EPB41L2: variants seen among roughly 807,000 people sequenced by gnomAD.
EPB41L2 encodes erythrocyte membrane protein band 4.1 like 2, also known as band 4.1-like protein 2.
A neutral mutation model predicts 113.0 loss-of-function variants in EPB41L2; 43 were observed. The observed-to-expected ratio is 0.38, with a 90% confidence interval of 0.30 to 0.49. The LOEUF is 0.49. Ranked by LOEUF, EPB41L2 falls within the 20% of genes least tolerant of loss-of-function variation. The pLI is 0.95. For missense variants in EPB41L2, 1,147 were observed against 1,223.4 expected (o/e 0.94, Z 0.93); for synonymous variants, 442 against 436.7 (o/e 1.01, Z -0.15).
At chr6:130,930,440 C>T (rs1209190259) in intron 3 of EPB41L2, among the ~76,000 whole-genome samples, 6 of 152,098 alleles carry the variant, frequency 3.9e-5, no homozygotes, top group Non-Finnish European at 8.8e-5. Context: ...TTCGGATTTC[C>T]AATTTCTTGA....
intron 1 of EPB41L2, among the ~76,000 whole-genome samples, chr6:131,003,844 C>T (rs1784884033): frequency 6.6e-6 from 1 of 152,138 alleles, no homozygotes; most frequent in Non-Finnish European, 1.5e-5. Flanking sequence ...AATTTGGCAC[C>T]TGTGGAGGTG....
chr6:131,003,769 TA>T (rs1464843110), intron 1 of EPB41L2, among the ~76,000 whole-genome samples: 2 of 152,216 alleles, frequency 1.3e-5, no homozygotes, highest in Admixed American at 1.3e-4. Flanking sequence ...CAGTAGTACT[TA>T]AACATTTTCT....
chr6:130,997,345 T>A (rs6916206), intron 1 of EPB41L2, among the ~76,000 whole-genome samples: 38,844 of 152,040 alleles, frequency 0.26, 5,134 homozygotes, highest in East Asian at 0.43. Flanking sequence ...GCAATGCACA[T>A]CAACAAAAGA....
chr6:131,011,678 C>T (rs1787016404), intron 1 of EPB41L2, among the ~76,000 whole-genome samples: 2 of 152,180 alleles, frequency 1.3e-5, no homozygotes, highest in Non-Finnish European at 2.9e-5. Context: ...GTATTCCTTT[C>T]ATTCTTTGGC....
At chr6:131,047,881 C>A (rs543165296) in intron 1 of EPB41L2, among the ~76,000 whole-genome samples, 1 of 152,098 alleles carries the variant, frequency 6.6e-6, no homozygotes, top group Non-Finnish European at 1.5e-5. Flanking sequence ...GTGGCTCATG[C>A]CTGTAATCCC....
At chr6:131,048,512 G>A (rs896680004) in intron 1 of EPB41L2, among the ~76,000 whole-genome samples, 7 of 152,204 alleles carry the variant, frequency 4.6e-5, no homozygotes, top group African/African-American at 1.2e-4. Flanking sequence ...ATAAATATGA[G>A]CTTTATTTGG....
chr6:130,981,218 A>G (rs909327414), intron 1 of EPB41L2, among the ~76,000 whole-genome samples: 2 of 152,230 alleles, frequency 1.3e-5, no homozygotes, highest in African/African-American at 4.8e-5. Context: ...TATCTATTAA[A>G]TAAGTTACCC....
intron 1 of EPB41L2, among the ~76,000 whole-genome samples, chr6:131,030,726 T>A (rs1247450619): frequency 1.3e-5 from 2 of 152,138 alleles, no homozygotes; most frequent in East Asian, 3.9e-4. Flanking sequence ...CAGCTGCTCA[T>A]AAATTAATTG....
At chr6:130,860,278 A>G (rs966215414) in intron 18 of EPB41L2, among the ~76,000 whole-genome samples, 2 of 152,256 alleles carry the variant, frequency 1.3e-5, no homozygotes, top group African/African-American at 2.4e-5. Context: ...AAAGCAGGGC[A>G]ACTGTTCAAG....
chr6:130,851,627 A>C (rs1301291126), intron 19 of EPB41L2, among the ~76,000 whole-genome samples: 1 of 152,146 alleles, frequency 6.6e-6, no homozygotes, highest in Non-Finnish European at 1.5e-5. Context: ...TTTTCAACTT[A>C]ATATGTTTTC....
chr6:130,875,401 C>T (rs911471748), intron 14 of EPB41L2, among the ~76,000 whole-genome samples: 1 of 152,150 alleles, frequency 6.6e-6, no homozygotes, highest in Non-Finnish European at 1.5e-5. Context: ...GTTAGCATGG[C>T]CTTTAAGATC....
chr6:130,913,136 T>C (rs903379560), intron 4 of EPB41L2, among the ~76,000 whole-genome samples: 2 of 152,140 alleles, frequency 1.3e-5, no homozygotes, highest in Non-Finnish European at 2.9e-5. Flanking sequence ...CCGGCCCTTG[T>C]ACAAATTACC....
At position 131,059,115 on chromosome 6, in the gene EPB41L2, T is replaced by TTC. The variant is rs200476044; in HGVS notation, c.-15+4039_-15+4040insGA. ...CTTTCCTTCTTGGCTTACCTATAAC[T>TTC]TTTTTTTTTTTTTTTTTGAGATGGA... On this transcript the variant is annotated intron_variant, in intron 1 of 19. Transcript: ENST00000337057. 3.1e-4 allele frequency among the ~76,000 whole-genome samples: 7 copies of TTC among 22,264 alleles called. 1 individual carries two copies. The highest frequency in any genetic ancestry group is 7.4e-4 in the East Asian group (1 of 1,356). The allele number at this position is 22,264 out of a possible 152,430, so 14.6% of individuals were successfully genotyped here.
At chr6:130,933,386 T>C (rs1453777574) in intron 3 of EPB41L2, among the ~76,000 whole-genome samples, 1 of 152,222 alleles carries the variant, frequency 6.6e-6, no homozygotes, top group African/African-American at 2.4e-5. Context: ...TATAACTTTC[T>C]ATATTAAATA....
Position 130,907,607 on chromosome 6 carries a change from A to C in EPB41L2, c.853+1214T>G, listed in dbSNP as rs551565988. Among the ~76,000 whole-genome samples, 11 of 152,276 alleles carry C rather than the reference A, an allele frequency of 7.2e-5. No homozygotes were observed. In the South Asian group the frequency reaches 2.3e-3, roughly 32 times the overall value. ...AATCAAAGACGTTTTTAAAAAGGAA[A>C]AGAAAGATGAGTCTACAGGAAGAGG... On this transcript the variant is annotated intron_variant, in intron 5 of 19. Transcript: ENST00000337057.
chr6:130,899,615 G>C (rs1303807816), intron 7 of EPB41L2, 37 bp from the exon 8 acceptor site: 1 of 1,569,224 alleles, frequency 6.4e-7, no homozygotes, highest in Non-Finnish European at 8.8e-7. Flanking sequence ...CTTATTAATG[G>C]ATGCAGAGCA....
At position 131,043,849 on chromosome 6, in the gene EPB41L2, C is replaced by T. The variant is rs1384524509; in HGVS notation, c.-15+19306G>A. Among the ~76,000 whole-genome samples, 40 of 151,964 alleles carry T rather than the reference C, an allele frequency of 2.6e-4. 1 individual carries two copies. Among genetic ancestry groups the T allele is most frequent in the Non-Finnish European group, 1.8e-4 (12 of 68,010 alleles). On this transcript the variant is annotated intron_variant, in intron 1 of 19. Coordinates refer to ENST00000337057, the MANE Select transcript of EPB41L2 (RefSeq NM_001431.4). ...ATATGTAGATGGAATGATGACATGC[C>T]TGGGAATTGCTTCCAAATAATATAG...
intron 2 of EPB41L2, among the ~76,000 whole-genome samples, 181 bp downstream of exon 2, chr6:130,955,813 T>C (rs938368909): frequency 1.3e-5 from 2 of 152,162 alleles, no homozygotes; most frequent in Non-Finnish European, 2.9e-5. Context: ...AGGGGACTTT[T>C]TTTTCAAGGA....
At chr6:130,942,061 A>T (rs949730654) in intron 3 of EPB41L2, among the ~76,000 whole-genome samples, 2 of 152,206 alleles carry the variant, frequency 1.3e-5, no homozygotes, top group Non-Finnish European at 2.9e-5. Context: ...ATTTTTACAG[A>T]CTGTATTTTA....
Sources: allele counts gnomAD v4.1 joint callset (sites outside exome capture counted in the v4.1 genomes callset), GRCh38; gene constraint gnomAD v4.1.1; transcripts MANE v1.5; gene names NCBI Gene and HGNC (gene_info 2026-07-23, HGNC 2026-07-21).